The following PRKG1 variants were observed in gnomAD, a reference collection of about 807,000 sequenced individuals.
PRKG1 encodes the protein protein kinase cGMP-dependent 1.
In PRKG1, 35 loss-of-function variants were observed where a neutral mutation model predicts 88.1. The observed-to-expected ratio is 0.40, with a 90% confidence interval of 0.30 to 0.53. PRKG1 has a LOEUF of 0.53. PRKG1 is among the 20% of genes least tolerant of loss of function. The pLI, the probability that PRKG1 is intolerant of heterozygous loss-of-function variation, is 0.59. For synonymous variants in PRKG1, 303 were observed against 292.5 expected (o/e 1.04, Z -0.37); for missense variants, 540 against 839.8 (o/e 0.64, Z 4.41).
chr10:52,296,614 A>C lies in PRKG1; in HGVS notation c.*2714A>C, dbSNP rs1476117959. 6.6e-6 allele frequency: 1 copy of C among 152,066 alleles called. No homozygotes were observed. The highest frequency in any genetic ancestry group is 1.5e-5 in the Non-Finnish European group (1 of 67,958). 9.4% of individuals were successfully genotyped at this position (152,066 alleles called of 1,614,324 possible). ...TTAAAGAACATCTGGATAAGTTAGAATAGTGCCAACTTGTTTGATTTGTTA... is the reference window on the plus strand; with the variant it reads ...TTAAAGAACATCTGGATAAGTTAGACTAGTGCCAACTTGTTTGATTTGTTA... On this transcript the variant is annotated 3_prime_UTR_variant, in exon 18 of 18. Transcript: ENST00000373980.
At chr10:51,267,222 C>T (rs10996449) in intron 2 of PRKG1, among the ~76,000 whole-genome samples, 5 of 151,996 alleles carry the variant, frequency 3.3e-5, no homozygotes, top group Non-Finnish European at 4.4e-5. Context: ...AATGATCACA[C>T]GTAATTACAT....
chr10:52,113,072 C>T (rs1375069321), intron 7 of PRKG1, among the ~76,000 whole-genome samples: 1 of 152,090 alleles, frequency 6.6e-6, no homozygotes, highest in East Asian at 1.9e-4. Context: ...AGTGAGAAAG[C>T]ATAATAGTAA....
At chr10:52,000,865 A>C (rs935010921) in intron 5 of PRKG1, among the ~76,000 whole-genome samples, 13 of 152,014 alleles carry the variant, frequency 8.6e-5, no homozygotes, top group African/African-American at 3.1e-4. Context: ...TCCCTTTACA[A>C]CCAAAAAGTC....
At chr10:51,808,810 G>A (rs1839375798) in intron 4 of PRKG1, among the ~76,000 whole-genome samples, 1 of 152,104 alleles carries the variant, frequency 6.6e-6, no homozygotes, top group African/African-American at 2.4e-5. Flanking sequence ...TAAAGCAATG[G>A]CAATGCTATT....
At chr10:51,626,142 A>G (rs1839331532) in intron 3 of PRKG1, among the ~76,000 whole-genome samples, 1 of 152,182 alleles carries the variant, frequency 6.6e-6, no homozygotes, top group African/African-American at 2.4e-5. Flanking sequence ...TATACAGTAG[A>G]AATGTTTACT....
intron 2 of PRKG1, among the ~76,000 whole-genome samples, chr10:51,181,849 G>A (rs1004733503): frequency 1.3e-5 from 2 of 152,204 alleles, no homozygotes; most frequent in Non-Finnish European, 2.9e-5. Context: ...ATCTCCCTAT[G>A]ACATTGCCTC....
At chr10:52,118,369 G>A (rs1847737471) in intron 7 of PRKG1, among the ~76,000 whole-genome samples, 1 of 151,834 alleles carries the variant, frequency 6.6e-6, no homozygotes, top group Admixed American at 6.6e-5. Context: ...AGATATTTAA[G>A]CTATAAATAC....
In PRKG1 at chr10:51,296,918, T is replaced by C. The variant is rs180973566; in HGVS notation, c.478+143588T>C. Among the ~76,000 whole-genome samples the C allele has an allele frequency of 1.4e-4, 22 of 152,278 alleles. No homozygotes were observed. In the East Asian group the frequency reaches 3.5e-3, roughly 24 times the overall value. On this transcript the variant is annotated intron_variant, in intron 2 of 17. Coordinates refer to ENST00000373980, the MANE Select transcript of PRKG1 (RefSeq NM_006258.4). The stretch of plus-strand genomic sequence containing the variant: ...GCTTTACCTTTGTCTATTCTTTCCC[T>C]CTTTATTTAAGATCTCTTAACTTGA...
At chr10:51,871,645 C>CA (rs2132858045) in intron 4 of PRKG1, among the ~76,000 whole-genome samples, 1 of 152,282 alleles carries the variant, frequency 6.6e-6, no homozygotes, top group East Asian at 1.9e-4. Context: ...TCCATCCCAG[C>CA]AAAAAGGTTG....
At chr10:51,588,695 G>A (rs752754853) in intron 3 of PRKG1, among the ~76,000 whole-genome samples, 5 of 152,158 alleles carry the variant, frequency 3.3e-5, no homozygotes, top group Admixed American at 6.5e-5. Context: ...ACCAATCTAT[G>A]ACTAGAAAAT....
intron 4 of PRKG1, among the ~76,000 whole-genome samples, chr10:51,823,931 T>C (rs1398690269): frequency 7.2e-6 from 1 of 138,036 alleles, no homozygotes; most frequent in East Asian, 2.3e-4. Flanking sequence ...TAGAGTGCAG[T>C]GGTGCAATCT....
At chr10:51,288,934 A>T (rs931182397) in intron 2 of PRKG1, among the ~76,000 whole-genome samples, 5 of 152,062 alleles carry the variant, frequency 3.3e-5, no homozygotes, top group Non-Finnish European at 7.3e-5. Flanking sequence ...ATTATGTATG[A>T]TATGTAAAAT....
chr10:51,804,119 A>G (rs1325967874), intron 3 of PRKG1, among the ~76,000 whole-genome samples: 2 of 152,110 alleles, frequency 1.3e-5, no homozygotes, highest in African/African-American at 2.4e-5. Context: ...TATTATATAA[A>G]TTCTCCCCTA....
chr10:51,366,420 G>C (rs1024302689), intron 2 of PRKG1, among the ~76,000 whole-genome samples: 2 of 151,946 alleles, frequency 1.3e-5, no homozygotes, highest in Admixed American at 1.3e-4. Flanking sequence ...CAATGTTCCT[G>C]TCAAGACAAG....
chr10:51,847,548 A>C (rs1487747751), intron 4 of PRKG1, among the ~76,000 whole-genome samples: 1 of 151,872 alleles, frequency 6.6e-6, no homozygotes, highest in Non-Finnish European at 1.5e-5. Flanking sequence ...ATAAAATTTT[A>C]TTATATATAA....
chr10:52,028,336 G>A (rs866605594), intron 5 of PRKG1, among the ~76,000 whole-genome samples: 19 of 152,150 alleles, frequency 1.2e-4, no homozygotes. Flanking sequence ...AACCCTGCAA[G>A]CCTGAGTGCC....
intron 3 of PRKG1, among the ~76,000 whole-genome samples, chr10:51,663,033 T>C (rs2132333805): frequency 6.6e-6 from 1 of 152,076 alleles, no homozygotes; most frequent in South Asian, 2.1e-4. Context: ...AAAGGAGTGG[T>C]ATGATTAGAA....
intron 4 of PRKG1, among the ~76,000 whole-genome samples, chr10:51,841,560 AAG>A (rs1840275284): frequency 1.3e-5 from 2 of 152,202 alleles, no homozygotes; most frequent in Non-Finnish European, 2.9e-5. Context: ...AAGATTTTTA[AAG>A]AGAGATTTTT....
intron 7 of PRKG1, among the ~76,000 whole-genome samples, chr10:52,098,709 C>G (rs1224954312): frequency 6.6e-6 from 1 of 152,154 alleles, no homozygotes; most frequent in Admixed American, 6.5e-5. Context: ...AGGAGAGTGC[C>G]TAATCCAGGC....
Sources: gnomAD v4.1 joint callset for allele counts (sites outside exome capture counted in the v4.1 genomes callset) on GRCh38, gnomAD v4.1.1 for gene constraint, MANE v1.5 for transcripts, NCBI Gene and HGNC (gene_info 2026-07-23, HGNC 2026-07-21) for gene names.